AMY2B: variants seen among roughly 807,000 people sequenced by gnomAD.
AMY2B encodes the protein amylase alpha 2B, also known as alpha-amylase 2B.
In AMY2B, 63 loss-of-function variants were observed where a neutral mutation model predicts 59.3. That is an observed-to-expected ratio of 1.06 (90% CI 0.87 to 1.31). The LOEUF (loss-of-function observed/expected upper bound fraction) is 1.31. AMY2B is among the 50% of genes most tolerant of loss of function. The pLI, the probability that AMY2B is intolerant of heterozygous loss-of-function variation, is 0.00. For synonymous variants in AMY2B, 180 were observed against 198.1 expected (o/e 0.91, Z 0.77); for missense variants, 635 against 626.7 (o/e 1.01, Z -0.14).
rs1389909088 is a variant in AMY2B, at chr1:103,579,313, C to A, written c.1349C>A (p.Thr450Lys). 1.2e-6 allele frequency: 2 copies of A among 1,611,620 alleles called. No homozygotes were observed. Among genetic ancestry groups the A allele is most frequent in the Admixed American group, 3.3e-5 (2 of 59,972 alleles). Residue 450 changes from threonine (T) to lysine (K), a missense_variant and splice_region_variant, in exon 10 of 10, where the codon ACA becomes AAA. Transcript: ENST00000684275. ...AAATCTGAAATTTTATTTTACAGGACATTTTCTTTAACTTTGCAAACTGGT... is the reference window on the plus strand; with the variant it reads ...AAATCTGAAATTTTATTTTACAGGAAATTTTCTTTAACTTTGCAAACTGGT... ...GFIVFNNDDWTFSLTLQTGLP... is the reference protein window; with the variant it reads ...GFIVFNNDDWKFSLTLQTGLP...
At chr1:103,572,948 T>A in intron 2 of AMY2B, 115 bp from the exon 3 acceptor site, 1 of 1,580,074 alleles carries the variant, frequency 6.3e-7, no homozygotes. Context: ...AAAATAGTTA[T>A]AAGATATCAT....
intron 1 of AMY2B, among the ~76,000 whole-genome samples, chr1:103,564,467 C>T (rs4847096): frequency 0.99 from 150,195 of 152,226 alleles, 74,109 homozygotes; most frequent in East Asian, 1. Flanking sequence ...TCCCTATTTG[C>T]TTTTAAAAAT....
chr1:103,576,602 A>T (rs914758924), intron 7 of AMY2B, among the ~76,000 whole-genome samples: 3 of 152,140 alleles, frequency 2.0e-5, no homozygotes, highest in African/African-American at 7.2e-5. Context: ...AGATTTTTTA[A>T]AGTGCCAATC....
intron 1 of AMY2B, among the ~76,000 whole-genome samples, chr1:103,558,333 A>T (rs1651622578): frequency 6.6e-6 from 1 of 152,286 alleles, no homozygotes; most frequent in African/African-American, 2.4e-5. Flanking sequence ...TTCTTTTATT[A>T]CTGCAGAATA....
In AMY2B at chr1:103,573,280, T is replaced by G. The variant is rs1286640507; in HGVS notation, c.513+20T>G. On this transcript the variant is annotated intron_variant, in intron 3 of 9. Coordinates refer to ENST00000684275, the MANE Select transcript of AMY2B (RefSeq NM_001387437.1). Reference sequence around the variant, plus strand: ...ACTCAGGTAAATTTTTTTATGAGAGTCATCTGAATAAGGGGTGATATATGC... The same window carrying G: ...ACTCAGGTAAATTTTTTTATGAGAGGCATCTGAATAAGGGGTGATATATGC... 1 of 1,613,234 alleles carries G rather than the reference T, an allele frequency of 6.2e-7. No individual in the cohort carries two copies. Among genetic ancestry groups the G allele is most frequent in the Non-Finnish European group, 8.5e-7 (1 of 1,179,508 alleles).
upstream of AMY2B, chr1:103,570,274 C>T: frequency 1.8e-6 from 1 of 562,068 alleles, no homozygotes; most frequent in South Asian, 1.5e-5. Flanking sequence ...GAGATATGAG[C>T]TGCCTGATGG....
chr1:103,560,498 G>A (rs1479107801), intron 1 of AMY2B, among the ~76,000 whole-genome samples: 1 of 151,908 alleles, frequency 6.6e-6, no homozygotes, highest in Non-Finnish European at 1.5e-5. Flanking sequence ...AATGCATTTA[G>A]CAGAAACATT....
At chr1:103,576,109 A>G (rs1327321672) in intron 7 of AMY2B, among the ~76,000 whole-genome samples, 1 of 152,180 alleles carries the variant, frequency 6.6e-6, no homozygotes, top group Admixed American at 6.5e-5. Context: ...GAGTATGGTA[A>G]AGACATTTAT....
chr1:103,571,828 T>C, intron 1 of AMY2B, 58 bp downstream of exon 1: 1 of 1,611,840 alleles, frequency 6.2e-7, no homozygotes, highest in Non-Finnish European at 8.5e-7. Context: ...TAAATAGTAT[T>C]CTGATCTTAT....
At chr1:103,564,109 A>G (rs1446866824) in intron 1 of AMY2B, among the ~76,000 whole-genome samples, 1 of 152,308 alleles carries the variant, frequency 6.6e-6, no homozygotes, top group Non-Finnish European at 1.5e-5. Context: ...AGCTTTTACC[A>G]TATCCATACA....
chr1:103,573,157 G>C lies in AMY2B; in HGVS notation c.410G>C (p.Gly137Ala), dbSNP rs766113372. ...ACCTGTGGAAGTTACTTCAACCCTG[G>C]AAGTAGGGACTTTCCAGCAGTCCCA... ...SSTCGSYFNPGSRDFPAVPYS... is the reference protein window; with the variant it reads ...SSTCGSYFNPASRDFPAVPYS... Residue 137 changes from glycine (G) to alanine (A), a missense_variant, in exon 3 of 10, where the codon GGA (glycine) becomes GCA (alanine). Coordinates refer to ENST00000684275, the MANE Select transcript of AMY2B (RefSeq NM_001387437.1). The C allele has an allele frequency of 6.2e-7, 1 of 1,613,776 alleles. No homozygotes were observed. Among genetic ancestry groups the C allele is most frequent in the South Asian group, 1.1e-5 (1 of 91,070 alleles).
At chr1:103,578,586 A>T (rs1652453514) in intron 9 of AMY2B, among the ~76,000 whole-genome samples, 1 of 152,200 alleles carries the variant, frequency 6.6e-6, no homozygotes, top group South Asian at 2.1e-4. Context: ...GATGAAAAAT[A>T]AATAAATACA....
Position 103,572,120 on chromosome 1 carries a change from C to T in AMY2B, c.179C>T (p.Pro60Leu). Residue 60 changes from proline (P) to leucine (L), a missense_variant, in exon 2 of 10, where the codon CCA becomes CTA. Transcript: ENST00000684275. ...KGFGGVQVSP[P>L]NENVAIHNPF... ...CTGTTTAATTTGTAGGTCTCTCCAC[C>T]AAATGAAAATGTTGCAATTCACAAC... The T allele has an allele frequency of 7.4e-6, 12 of 1,611,550 alleles. No homozygotes were observed. Among genetic ancestry groups the T allele is most frequent in the Admixed American group, 1.7e-5 (1 of 59,996 alleles).
At chr1:103,563,243 T>G (rs1200653992) in intron 1 of AMY2B, among the ~76,000 whole-genome samples, 1 of 152,102 alleles carries the variant, frequency 6.6e-6, no homozygotes, top group African/African-American at 2.4e-5. Context: ...TCCCAAGATA[T>G]GTCATTTGGC....
At chr1:103,565,027 T>C (rs1651859524) in intron 1 of AMY2B, 1 of 152,092 alleles carries the variant, frequency 6.6e-6, no homozygotes, top group Non-Finnish European at 1.5e-5. Flanking sequence ...TTCTGTACAG[T>C]CTCCACCAAG....
chr1:103,574,712 A>G (rs1652276708), intron 5 of AMY2B, among the ~76,000 whole-genome samples: 1 of 152,024 alleles, frequency 6.6e-6, no homozygotes, highest in African/African-American at 2.4e-5. Context: ...TATCATTTAT[A>G]AAGTATGTAC....
intron 1 of AMY2B, among the ~76,000 whole-genome samples, chr1:103,559,449 A>G (rs1204147732): frequency 6.6e-6 from 1 of 152,168 alleles, no homozygotes; most frequent in Non-Finnish European, 1.5e-5. Flanking sequence ...TCATTAAGCA[A>G]TGCATGACTG....
Position 103,572,045 on chromosome 1 carries a change from G to A in AMY2B, c.169-65G>A, listed in dbSNP as rs570567459. 5 of 1,604,610 alleles carry A rather than the reference G, an allele frequency of 3.1e-6. No homozygotes were observed. The African/African-American group carries it at 4.0e-5, about 13-fold the overall frequency. On this transcript the variant is annotated intron_variant, in intron 1 of 9. Transcript: ENST00000684275. ...CAAGAATTTTTTATATTATTGATTA[G>A]TTTCTAGAACATTCAATGATATAGA...
At chr1:103,576,527 C>T (rs1652360444) in intron 7 of AMY2B, among the ~76,000 whole-genome samples, 1 of 152,070 alleles carries the variant, frequency 6.6e-6, no homozygotes, top group South Asian at 2.1e-4. Context: ...CACTTTTCAC[C>T]ATATGACATA....
Sources: allele counts gnomAD v4.1 joint callset (sites outside exome capture counted in the v4.1 genomes callset), GRCh38; gene constraint gnomAD v4.1.1; transcripts MANE v1.5; gene names NCBI Gene and HGNC (gene_info 2026-07-23, HGNC 2026-07-21).